The following PLEKHD1 variants were observed in gnomAD, a reference collection of about 807,000 sequenced individuals.
PLEKHD1 encodes the protein pleckstrin homology domain-containing family D member 1.
A neutral mutation model predicts 69.2 loss-of-function variants in PLEKHD1; 51 were observed. The observed-to-expected ratio is 0.74, with a 90% CI of 0.59 to 0.93. The LOEUF (loss-of-function observed/expected upper bound fraction) is 0.93. PLEKHD1 is among the 40% of genes least tolerant of loss of function. The pLI is 0.00. For synonymous variants in PLEKHD1, 236 were observed against 244.7 expected, an observed-to-expected ratio of 0.96 and a Z score of 0.33; for missense variants, 584 against 641.0, an observed-to-expected ratio of 0.91 and a Z score of 0.96.
chr14:69,522,705 G>A (rs1241894228), intron 7 of PLEKHD1, among the ~76,000 whole-genome samples: 2 of 152,120 alleles, frequency 1.3e-5, no homozygotes, highest in Non-Finnish European at 2.9e-5. Flanking sequence ...TGGCCTAGAG[G>A]TGCTTGCTGT....
Position 69,501,254 on chromosome 14 carries a change from G to T in PLEKHD1, c.410+307G>T, listed in dbSNP as rs1883018869. The T allele has an allele frequency of 3.0e-5, 14 of 465,036 alleles. No individual in the cohort carries two copies. The South Asian group carries it at 3.2e-4, about 11-fold the overall frequency. The allele number at this position is 465,036 out of a possible 1,614,324, so 28.8% of individuals were successfully genotyped here. ...CTCCCCAGGCCCATAATTAATTCTA[G>T]CAAGGACTAGAGCTAGTGCTTTGTA... On this transcript the variant is annotated intron_variant, in intron 4 of 12. Transcript: ENST00000322564.
Position 69,524,237 on chromosome 14 carries a change from A to G in PLEKHD1, c.659A>G (p.Glu220Gly), listed in dbSNP as rs1245921523. 1 of 1,551,432 alleles carries G rather than the reference A, an allele frequency of 6.4e-7. No homozygotes were observed. The highest frequency in any genetic ancestry group is 8.7e-7 in the Non-Finnish European group (1 of 1,146,856). The change falls in exon 8 of 13, where the codon GAA becomes GGA. Residue 220 changes from glutamate to glycine, a missense_variant. Coordinates refer to ENST00000322564, the MANE Select transcript of PLEKHD1 (RefSeq NM_001161498.2). ...MEQEQIKRELELTARCLKGVE... is the reference protein window; with the variant it reads ...MEQEQIKRELGLTARCLKGVE... ...GCCCTCTGTCTCCACAGGGAGCTGG[A>G]ACTGACTGCAAGATGCCTTAAGGGT... is the stretch of plus-strand genomic sequence containing the variant.
chr14:69,517,217 C>T (rs1341785785), intron 6 of PLEKHD1, among the ~76,000 whole-genome samples: 1 of 151,978 alleles, frequency 6.6e-6, no homozygotes, highest in Admixed American at 6.6e-5. Flanking sequence ...AAGCATGAAT[C>T]CCAAGTTTCT....
chr14:69,468,544 C>CTTT, the PLEKHD1 span, among the ~76,000 whole-genome samples: 27 of 150,050 alleles, frequency 1.8e-4, no homozygotes, highest in Non-Finnish European at 1.5e-4. Flanking sequence ...TTCCTTCCTT[C>CTTT]CTTTCTTTCT....
chr14:69,489,861 G>T (rs796073047), intron 1 of PLEKHD1, among the ~76,000 whole-genome samples: 1 of 70,220 alleles, frequency 1.4e-5, no homozygotes, highest in Non-Finnish European at 3.2e-5. Context: ...TATATTTTTT[G>T]TTTGTTTGTT....
In PLEKHD1 at chr14:69,529,100, C is replaced by G. The variant is rs1421579982; in HGVS notation, c.*681C>G. ...GCTGTGGGGCCACCCACTGATTCCC[C>G]TCCTCCTCTGGTGAGCTCACTCACA... On this transcript the variant is annotated 3_prime_UTR_variant, in exon 13 of 13. Transcript: ENST00000322564. 1 of 152,668 alleles carries G rather than the reference C, an allele frequency of 6.6e-6. No individual in the cohort carries two copies. The highest frequency in any genetic ancestry group is 1.5e-5 in the Non-Finnish European group (1 of 68,428). 9.5% of individuals were successfully genotyped at this position (152,668 alleles called of 1,614,324 possible). A position where few individuals can be genotyped will look rare whatever the true frequency, so the allele number is the denominator to read the frequency against.
intron 1 of PLEKHD1, among the ~76,000 whole-genome samples, chr14:69,494,334 C>A (rs1463012446): frequency 6.6e-6 from 1 of 152,104 alleles, no homozygotes; most frequent in Non-Finnish European, 1.5e-5. Context: ...CATTGGCTAC[C>A]CCAACCCTGA....
chr14:69,524,519 T>C (rs966447903), intron 8 of PLEKHD1, among the ~76,000 whole-genome samples, 197 bp downstream of exon 8: 5 of 152,122 alleles, frequency 3.3e-5, no homozygotes, highest in Non-Finnish European at 5.9e-5. Context: ...AAGCAAGAAG[T>C]GTCTGTTCTC....
rs187617145 is a variant in PLEKHD1 at position 69,506,609 on chromosome 14, C to T, written c.555+3730C>T. Among the ~76,000 whole-genome samples, 112 of 152,292 alleles carry T rather than the reference C, an allele frequency of 7.4e-4. 1 individual carries two copies. Among genetic ancestry groups the T allele is most frequent in the Admixed American group, 7.2e-3 (110 of 15,296 alleles). On this transcript the variant is annotated intron_variant, in intron 6 of 12. Coordinates refer to ENST00000322564, the MANE Select transcript of PLEKHD1 (RefSeq NM_001161498.2). The stretch of plus-strand genomic sequence containing the variant: ...GCAGTTTAGATTCACAGCAAAACTA[C>T]GCAGCAAATACAGAGATTTTCCACA...
chr14:69,497,155 G>T (rs140322130), intron 1 of PLEKHD1, among the ~76,000 whole-genome samples: 1 of 152,124 alleles, frequency 6.6e-6, no homozygotes, highest in Admixed American at 6.5e-5. Context: ...GGTGATGAGC[G>T]CAATCTCATT....
chr14:69,473,582 C>T, the PLEKHD1 span, among the ~76,000 whole-genome samples: 1 of 152,158 alleles, frequency 6.6e-6, no homozygotes, highest in Admixed American at 6.6e-5. Context: ...ATCAGAAAAC[C>T]CGGATCCTAT....
intron 1 of PLEKHD1, 118 bp downstream of exon 1, chr14:69,485,232 C>G: frequency 8.6e-7 from 1 of 1,158,804 alleles, no homozygotes. Flanking sequence ...CTTGGCGTCA[C>G]CCCTTTTCAC....
chr14:69,468,665 C>T, the PLEKHD1 span, among the ~76,000 whole-genome samples: 1 of 152,054 alleles, frequency 6.6e-6, no homozygotes, highest in East Asian at 1.9e-4. Context: ...ACTGCAGCCT[C>T]AAACTCCTGA....
chr14:69,517,174 G>A (rs1883403094), intron 6 of PLEKHD1, among the ~76,000 whole-genome samples: 1 of 152,006 alleles, frequency 6.6e-6, no homozygotes. Flanking sequence ...TGAGGGTGGA[G>A]TGGGAAAGAG....
intron 3 of PLEKHD1, 79 bp from the exon 4 acceptor site, chr14:69,500,792 G>A (rs1451325861): frequency 2.0e-6 from 3 of 1,532,950 alleles, no homozygotes; most frequent in Non-Finnish European, 2.7e-6. Flanking sequence ...TGTGGGGTGG[G>A]TGACAGGGCA....
At chr14:69,490,650 A>C (rs953877711) in intron 1 of PLEKHD1, among the ~76,000 whole-genome samples, 9 of 152,202 alleles carry the variant, frequency 5.9e-5, no homozygotes, top group Non-Finnish European at 1.2e-4. Flanking sequence ...TGCATTTCAC[A>C]GATAGAATTC....
At chr14:69,480,918 G>A (rs1882529972), upstream of PLEKHD1, among the ~76,000 whole-genome samples, 1 of 152,208 alleles carries the variant, frequency 6.6e-6, no homozygotes, top group East Asian at 1.9e-4. Flanking sequence ...CTCCCAAAAT[G>A]TTGGAATTAC....
intron 6 of PLEKHD1, among the ~76,000 whole-genome samples, chr14:69,515,951 T>C (rs1380010558): frequency 6.6e-6 from 1 of 152,260 alleles, no homozygotes; most frequent in Non-Finnish European, 1.5e-5. Flanking sequence ...CTTTGCTTTA[T>C]GACCTCACTT....
At chr14:69,501,894 GT>G in intron 5 of PLEKHD1, 69 bp downstream of exon 5, 1 of 1,364,818 alleles carries the variant, frequency 7.3e-7, no homozygotes, top group Non-Finnish European at 1.0e-6. Flanking sequence ...CAGGGGCTTG[GT>G]AAAGGATGCA....
Sources: allele counts gnomAD v4.1 joint callset (sites outside exome capture counted in the v4.1 genomes callset), GRCh38; gene constraint gnomAD v4.1.1; transcripts MANE v1.5; gene names NCBI Gene and HGNC (gene_info 2026-07-23, HGNC 2026-07-21).